Variants in GPC4 observed in about 807,000 individuals in gnomAD.
GPC4 encodes glypican-4.
In GPC4, 10 loss-of-function variants were observed where a neutral mutation model predicts 35.0. That is an observed-to-expected ratio of 0.29 (90% CI 0.18 to 0.48). GPC4 has a LOEUF of 0.48. GPC4 is among the 20% of genes least tolerant of loss of function. The probability of loss-of-function intolerance (pLI) is 0.99; values close to 1 mark genes in which losing one functional copy is unlikely to be tolerated. For missense variants in GPC4, 322 were observed against 451.3 expected, an observed-to-expected ratio of 0.71 and a Z score of 2.60; for synonymous variants, 167 against 170.2, an observed-to-expected ratio of 0.98 and a Z score of 0.15.
intron 1 of GPC4, among the ~76,000 whole-genome samples, chrX:133,400,865 G>A (rs2068765413): frequency 1.0e-5 from 1 of 96,105 alleles, no homozygotes; most frequent in Non-Finnish European, 2.0e-5. Flanking sequence ...GAAGAAAGCA[G>A]AGAGGAAGAA....
At chrX:133,344,226 T>TGG (rs2068481526) in intron 1 of GPC4, among the ~76,000 whole-genome samples, 1 of 20,335 alleles carries the variant, frequency 4.9e-5, no homozygotes, top group African/African-American at 5.4e-4. Context: ...TTTTTTTTTT[T>TGG]TTTTTTTTTT....
At chrX:133,337,258 CT>C (rs1218141573) in intron 2 of GPC4, among the ~76,000 whole-genome samples, 2 of 112,279 alleles carry the variant, frequency 1.8e-5, no homozygotes, top group African/African-American at 6.5e-5. Context: ...ACTTTCTATC[CT>C]TTTTAAAAAA....
chrX:133,397,222 C>T (rs781252912), intron 1 of GPC4, among the ~76,000 whole-genome samples: 1 of 111,605 alleles, frequency 9.0e-6, no homozygotes, highest in Admixed American at 9.5e-5. Context: ...CCCAGAAGCT[C>T]GAGACCAGCC....
chrX:133,346,965 AG>A (rs747855787), intron 1 of GPC4, among the ~76,000 whole-genome samples: 1 of 111,466 alleles, frequency 9.0e-6, no homozygotes, highest in African/African-American at 3.3e-5. Flanking sequence ...TTGGTGATGG[AG>A]GTACAACCTT....
intron 1 of GPC4, among the ~76,000 whole-genome samples, chrX:133,386,177 G>C (rs991966094): frequency 1.9e-5 from 2 of 105,771 alleles, no homozygotes; most frequent in Admixed American, 1.0e-4. Flanking sequence ...CAAGGTTGCA[G>C]TGAGCTATGA....
intron 2 of GPC4, among the ~76,000 whole-genome samples, chrX:133,324,800 A>G (rs5977854): frequency 0.023 from 2,542 of 111,386 alleles, 82 homozygotes; most frequent in African/African-American, 0.077. Context: ...GCTTCTCAGG[A>G]GTCAGTACAA....
rs148642566 is a variant in GPC4 at position 133,312,028 on chromosome X, T to C, written c.712-605A>G. 9.2e-3 allele frequency among the ~76,000 whole-genome samples: 1,025 copies of C among 111,487 alleles called. 10 individuals carry two copies. Among genetic ancestry groups the C allele is most frequent in the Non-Finnish European group, 0.015 (789 of 53,082 alleles). ...ATTCTACAAGGCAGAATATGAGTAA[T>C]CTTAAACTTAGGGGGTGTGTGAAGG... On this transcript the variant is annotated intron_variant, in intron 3 of 8. Transcript: ENST00000370828.
chrX:133,349,255 C>G (rs1481374199), intron 1 of GPC4, among the ~76,000 whole-genome samples: 2 of 112,324 alleles, frequency 1.8e-5, no homozygotes, highest in African/African-American at 3.2e-5. Context: ...CACACCATCA[C>G]AGAAGACCTC....
At chrX:133,377,904 T>C (rs1342822025) in intron 1 of GPC4, among the ~76,000 whole-genome samples, 1 of 100,966 alleles carries the variant, frequency 9.9e-6, no homozygotes, top group African/African-American at 3.6e-5. Flanking sequence ...TTTTTTTTTT[T>C]TTGCTTTTGA....
chrX:133,391,787 T>G (rs2068720678), intron 1 of GPC4, among the ~76,000 whole-genome samples: 1 of 110,733 alleles, frequency 9.0e-6, no homozygotes. Flanking sequence ...AGGGAAAGGG[T>G]GGGATAAGAA....
At chrX:133,350,568 A>C (rs2068512334) in intron 1 of GPC4, among the ~76,000 whole-genome samples, 1 of 111,399 alleles carries the variant, frequency 9.0e-6, no homozygotes, top group Non-Finnish European at 1.9e-5. Flanking sequence ...ACAACAAAAA[A>C]CAAAAAACAG....
intron 1 of GPC4, among the ~76,000 whole-genome samples, chrX:133,413,173 G>A (rs956279726): frequency 1.1e-4 from 12 of 111,648 alleles, no homozygotes; most frequent in African/African-American, 3.9e-4. Context: ...AAGAAAGAGG[G>A]CTTTTCAGGG....
intron 1 of GPC4, among the ~76,000 whole-genome samples, chrX:133,360,937 T>C (rs780726700): frequency 1.8e-5 from 2 of 112,060 alleles, no homozygotes; most frequent in South Asian, 7.6e-4. Flanking sequence ...TATCCTTCTG[T>C]TTAATAAGTT....
chrX:133,347,155 AAG>A (rs1442722915), intron 1 of GPC4, among the ~76,000 whole-genome samples: 1 of 108,401 alleles, frequency 9.2e-6, no homozygotes, highest in Non-Finnish European at 1.9e-5. Flanking sequence ...ACCCTAATGT[AAG>A]ATGTTAATAA....
chrX:133,406,810 C>G (rs2068790173), intron 1 of GPC4, among the ~76,000 whole-genome samples: 2 of 106,671 alleles, frequency 1.9e-5, no homozygotes, highest in South Asian at 8.7e-4. Context: ...CACAGTGGCT[C>G]ACGCCTGTAA....
chrX:133,323,033 G>C (rs2068373779), intron 3 of GPC4, among the ~76,000 whole-genome samples: 1 of 111,564 alleles, frequency 9.0e-6, no homozygotes, highest in Non-Finnish European at 1.9e-5. Flanking sequence ...TTGAAATCTT[G>C]CTCAGATCCC....
chrX:133,341,832 C>A (rs1438767845), intron 1 of GPC4, among the ~76,000 whole-genome samples: 2 of 109,622 alleles, frequency 1.8e-5, no homozygotes, highest in Non-Finnish European at 3.8e-5. Context: ...AAGGATACAC[C>A]CTTCAAAAAC....
intron 1 of GPC4, among the ~76,000 whole-genome samples, chrX:133,409,320 T>TA (rs36008423): frequency 0.01 from 320 of 31,783 alleles, 5 homozygotes; most frequent in African/African-American, 0.022. Context: ...GACCCTGCCT[T>TA]AAAAAAAAAA....
intron 3 of GPC4, among the ~76,000 whole-genome samples, chrX:133,317,039 G>A (rs1355310814): frequency 1.8e-5 from 2 of 111,665 alleles, no homozygotes; most frequent in Non-Finnish European, 3.8e-5. Flanking sequence ...ATGATAGAAA[G>A]GGAATATCAT....
Sources: allele counts gnomAD v4.1 joint callset (sites outside exome capture counted in the v4.1 genomes callset), GRCh38; gene constraint gnomAD v4.1.1; transcripts MANE v1.5; gene names NCBI Gene and HGNC (gene_info 2026-07-23, HGNC 2026-07-21).